The following GSDME variants were observed in gnomAD, a reference collection of about 807,000 sequenced individuals.
The protein encoded by GSDME is gasdermin-E.
Under a neutral mutation model 47.5 loss-of-function variants are expected in GSDME, and 44 were observed. The observed-to-expected ratio is 0.93, with a 90% CI of 0.73 to 1.19. The LOEUF (loss-of-function observed/expected upper bound fraction) is 1.19, where lower values mean the gene tolerates loss of function less well. Ranked by LOEUF, GSDME falls within the 50% of genes most tolerant of loss-of-function variation. GSDME has a pLI of 0.00. For synonymous variants in GSDME, 258 were observed against 252.8 expected (o/e 1.02, Z -0.20); for missense variants, 663 against 604.2 (o/e 1.10, Z -1.02).
At chr7:24,708,386 T>C in intron 6 of GSDME, 132 bp from the exon 7 acceptor site, 1 of 1,115,364 alleles carries the variant, frequency 9.0e-7, no homozygotes, top group Admixed American at 2.0e-5. Flanking sequence ...TAGTCAGTCA[T>C]GGAACTCAGA....
intron 2 of GSDME, 51 bp downstream of exon 2, chr7:24,749,513 A>G (rs754333504): frequency 2.1e-6 from 3 of 1,452,882 alleles, no homozygotes; most frequent in Non-Finnish European, 2.8e-6. Flanking sequence ...AAAAAAAAAA[A>G]AGGATCATCC....
At chr7:24,794,170 GTC>G in the GSDME span, among the ~76,000 whole-genome samples, 6 of 149,514 alleles carry the variant, frequency 4.0e-5, no homozygotes, top group Middle Eastern at 3.5e-3. Context: ...ACTTCCTTCT[GTC>G]TCTGTCTCTT....
chr7:24,749,690 CAG>C lies in GSDME; in HGVS notation c.83_84del (p.Ser28Ter), dbSNP rs1349131947. On this transcript the variant is annotated frameshift_variant, in exon 2 of 10. Coordinates refer to ENST00000645220, the MANE Select transcript of GSDME (RefSeq NM_001127453.2). LOFTEE classifies it high-confidence loss of function. ...DLIAVSNLND[S>X]DKLQLLSLVT... ...ACCAGACTTAGAAGCTGTAACTTAT[CAG>C]AGTCATTCAGATTTGATACTGCAAT... 6.2e-7 allele frequency: 1 copy of C among 1,614,090 alleles called. No homozygotes were observed. The highest frequency in any genetic ancestry group is 1.3e-5 in the African/African-American group (1 of 75,030).
At chr7:24,707,764 T>C in intron 7 of GSDME, 1 of 465,856 alleles carries the variant, frequency 2.1e-6, no homozygotes, top group Non-Finnish European at 3.8e-6. Context: ...CCAGGAACAC[T>C]AGGAGCCATC....
rs540181954 is a variant in GSDME at position 24,735,707 on chromosome 7, G to A, written c.404+8855C>T. On this transcript the variant is annotated intron_variant, in intron 3 of 9. Coordinates refer to ENST00000645220, the MANE Select transcript of GSDME (RefSeq NM_001127453.2). This position sits in a 1 kb window ranked among gnomAD's most constrained non-coding sequence, Gnocchi z 4.4. ...TGGGAGGTAGAGGTTGCGATGAGCC[G>A]AGATTGCACCACTGCACTCCAGCCT... Among the ~76,000 whole-genome samples, 5 of 151,800 alleles carry A rather than the reference G, an allele frequency of 3.3e-5. No homozygotes were observed. Among genetic ancestry groups the A allele is most frequent in the East Asian group, 1.9e-4 (1 of 5,194 alleles).
intron 7 of GSDME, 53 bp downstream of exon 7, chr7:24,708,074 C>G (rs915718546): frequency 6.2e-6 from 10 of 1,610,354 alleles, no homozygotes; most frequent in Non-Finnish European, 5.1e-6. Context: ...GCCTCCTCCC[C>G]TGTTCCAGAA....
chr7:24,762,048 G>A (rs1791174064), upstream of GSDME, among the ~76,000 whole-genome samples: 1 of 152,086 alleles, frequency 6.6e-6, no homozygotes, highest in Non-Finnish European at 1.5e-5. Flanking sequence ...GAGCCCAGGA[G>A]TTAGAGAGCA....
rs367647197 is a variant in GSDME at position 24,719,074 on chromosome 7, G to A, written c.549C>T (p.Ile183=). The A allele has an allele frequency of 2.5e-5, 40 of 1,612,970 alleles. No individual in the cohort carries two copies. Among genetic ancestry groups the A allele is most frequent in the Non-Finnish European group, 2.8e-5 (33 of 1,180,034 alleles). ...GCACCGTCTTGGTCTGGATGCCCAC[G>A]ATGCCACCACACTTCTCCTCGACCT... ...HMQVEEKCGG[I]VGIQTKTVQV... Residue 183 remains isoleucine (I), a synonymous_variant, in exon 4 of 10, where the codon ATC becomes ATT. Coordinates refer to ENST00000645220, the MANE Select transcript of GSDME (RefSeq NM_001127453.2).
intron 9 of GSDME, among the ~76,000 whole-genome samples, chr7:24,700,940 A>G (rs1044751629): frequency 6.6e-6 from 1 of 152,114 alleles, no homozygotes; most frequent in Non-Finnish European, 1.5e-5. Context: ...AGGCATTTCT[A>G]GGTATAAGGG....
At chr7:24,706,506 T>G in intron 7 of GSDME, 130 bp from the exon 8 acceptor site, 4 of 829,144 alleles carry the variant, frequency 4.8e-6, no homozygotes, top group Non-Finnish European at 7.5e-6. Flanking sequence ...CCCGCAGCTC[T>G]TCTCTACGTT....
chr7:24,793,410 C>T, the GSDME span, among the ~76,000 whole-genome samples: 5 of 152,122 alleles, frequency 3.3e-5, no homozygotes, highest in African/African-American at 9.7e-5. Flanking sequence ...TTAAAACTTG[C>T]TTAAATCTTC....
intron 5 of GSDME, chr7:24,710,641 G>A (rs1789316398): frequency 4.0e-6 from 2 of 504,962 alleles, no homozygotes; most frequent in East Asian, 7.0e-5. Flanking sequence ...CTCTGAACAG[G>A]CTGGACACAA....
chr7:24,784,386 G>T, the GSDME span, among the ~76,000 whole-genome samples: 1 of 152,206 alleles, frequency 6.6e-6, no homozygotes, highest in Non-Finnish European at 1.5e-5. Context: ...GCCAGTAGTT[G>T]CTCAGTCAGA....
At chr7:24,788,796 T>C in the GSDME span, among the ~76,000 whole-genome samples, 3 of 152,192 alleles carry the variant, frequency 2.0e-5, no homozygotes, top group Admixed American at 2.0e-4. The surrounding 1 kb of genome is among the most constrained non-coding windows in gnomAD (Gnocchi z 4.6). Context: ...AGATATACTT[T>C]AGTGCCCATA....
chr7:24,751,502 C>T (rs1364799105), intron 1 of GSDME, among the ~76,000 whole-genome samples: 3 of 152,114 alleles, frequency 2.0e-5, no homozygotes, highest in Non-Finnish European at 2.9e-5. Flanking sequence ...TTTGTCTTAT[C>T]GATCACTGGT....
At chr7:24,771,449 T>G in the GSDME span, among the ~76,000 whole-genome samples, 40 of 152,334 alleles carry the variant, frequency 2.6e-4, no homozygotes, top group African/African-American at 9.6e-4. The surrounding 1 kb of genome is among the most constrained non-coding windows in gnomAD (Gnocchi z 4.1). Flanking sequence ...GAGAGAAAAT[T>G]CACTCAACAC....
chr7:24,714,396 C>T lies in GSDME; in HGVS notation c.697+2858G>A, dbSNP rs1789466570. On this transcript the variant is annotated intron_variant, in intron 5 of 9. Coordinates refer to ENST00000645220, the MANE Select transcript of GSDME (RefSeq NM_001127453.2). This position sits in a 1 kb window ranked among gnomAD's most constrained non-coding sequence, Gnocchi z 5.0. ...TTATGTCTATGAAGCTATACCAGAA[C>T]ATTCTGTAGCAAGAGCAACAGAAAA... is the stretch of plus-strand genomic sequence containing the variant. Among the ~76,000 whole-genome samples, 1 of 152,104 alleles carries T rather than the reference C, an allele frequency of 6.6e-6. No individual in the cohort carries two copies. Among genetic ancestry groups the T allele is most frequent in the African/African-American group, 2.4e-5 (1 of 41,408 alleles).
rs1488993503 is a variant in GSDME at position 24,754,570 on chromosome 7, A to C, written c.-20+2826T>G. Among the ~76,000 whole-genome samples the C allele has an allele frequency of 2.6e-5, 4 of 152,186 alleles. No homozygotes were observed. Among genetic ancestry groups the C allele is most frequent in the Admixed American group, 1.3e-4 (2 of 15,282 alleles). ...AGCAGATGAGAACTAAAAAGGCCAA[A>C]GCAAATGCAGTAAGGATATCCTAGC... On this transcript the variant is annotated intron_variant, in intron 1 of 9. Coordinates refer to ENST00000645220, the MANE Select transcript of GSDME (RefSeq NM_001127453.2). This position sits in a 1 kb window ranked among gnomAD's most constrained non-coding sequence, Gnocchi z 5.0.
At position 24,710,384 on chromosome 7, in the gene GSDME, G is replaced by C. The variant is rs1411798875; in HGVS notation, c.702C>G (p.Phe234Leu). The change falls in exon 6 of 10, where the codon TTC becomes TTG. Residue 234 changes from phenylalanine to leucine, a missense_variant. Physicochemically the swap from Phe to Leu is conservative, Grantham distance 22 (BLOSUM62 0). Transcript: ENST00000645220. ...LYVKLDGQFE[F>L]CLLRGKQGGF... Reference sequence around the variant, plus strand: ...CACCTTGCTTCCCTCGGAGAAGGCAGAACTCTGTAGTGCAGGAGAAAAGGA... The same window carrying C: ...CACCTTGCTTCCCTCGGAGAAGGCACAACTCTGTAGTGCAGGAGAAAAGGA... The C allele has an allele frequency of 1.9e-6, 3 of 1,614,228 alleles. No individual in the cohort carries two copies. Among genetic ancestry groups the C allele is most frequent in the South Asian group, 2.2e-5 (2 of 91,080 alleles).
Sources: gnomAD v4.1 joint callset for allele counts (sites outside exome capture counted in the v4.1 genomes callset) on GRCh38, gnomAD v4.1.1 for gene constraint, Gnocchi (gnomAD v3.1) non-coding constraint, MANE v1.5 for transcripts, NCBI Gene and HGNC (gene_info 2026-07-23, HGNC 2026-07-21) for gene names.